SRGAP1: variants seen among roughly 807,000 people sequenced by gnomAD.
SRGAP1 encodes SLIT-ROBO Rho GTPase-activating protein 1.
A neutral mutation model predicts 121.9 loss-of-function variants in SRGAP1; 43 were observed. The observed-to-expected ratio is 0.35, with a 90% confidence interval of 0.28 to 0.46. The LOEUF is 0.46. SRGAP1 is among the 20% of genes least tolerant of loss of function. The pLI, the probability that SRGAP1 is intolerant of heterozygous loss-of-function variation, is 1.00. For synonymous variants in SRGAP1, 447 were observed against 485.4 expected (o/e 0.92, Z 1.04); for missense variants, 1,102 against 1,350.9 (o/e 0.82, Z 2.89).
chr12:63,916,409 T>C (rs2030781513), intron 1 of SRGAP1, among the ~76,000 whole-genome samples: 1 of 152,176 alleles, frequency 6.6e-6, no homozygotes. Context: ...GATGAGAAAC[T>C]GTGTGCCATC....
At chr12:63,918,623 C>T (rs2030898347) in intron 1 of SRGAP1, among the ~76,000 whole-genome samples, 1 of 152,080 alleles carries the variant, frequency 6.6e-6, no homozygotes, top group Non-Finnish European at 1.5e-5. Flanking sequence ...TACCATGTTG[C>T]CCCAGCTGGT....
At chr12:64,123,216 C>T (rs537583090) in intron 18 of SRGAP1, among the ~76,000 whole-genome samples, 1 of 152,212 alleles carries the variant, frequency 6.6e-6, no homozygotes, top group South Asian at 2.1e-4. Flanking sequence ...AATTAGCATG[C>T]CACGTCTGTA....
chr12:63,952,288 G>A (rs1221323752), intron 1 of SRGAP1, among the ~76,000 whole-genome samples: 1 of 152,218 alleles, frequency 6.6e-6, no homozygotes, highest in Non-Finnish European at 1.5e-5. Context: ...AAGGCAGGAG[G>A]ATTGCTTGAA....
intron 6 of SRGAP1, among the ~76,000 whole-genome samples, chr12:64,044,147 G>A (rs2035078843): frequency 6.6e-6 from 1 of 152,114 alleles, no homozygotes; most frequent in Non-Finnish European, 1.5e-5. Context: ...GCAGTAATTA[G>A]GTTTATTTAG....
intron 3 of SRGAP1, among the ~76,000 whole-genome samples, chr12:63,995,441 G>A (rs1404206715): frequency 6.6e-6 from 1 of 152,160 alleles, no homozygotes; most frequent in Non-Finnish European, 1.5e-5. Context: ...ATGTATTCTT[G>A]TCTTTGCCCG....
rs538950932 is a variant in SRGAP1 at position 64,088,730 on chromosome 12, A to C, written c.1436+1704A>C. 1.2e-3 allele frequency among the ~76,000 whole-genome samples: 185 copies of C among 152,270 alleles called. 1 individual carries two copies. Among genetic ancestry groups the C allele is most frequent in the African/African-American group, 3.9e-3 (163 of 41,548 alleles). On this transcript the variant is annotated intron_variant, in intron 11 of 21. Coordinates refer to ENST00000355086, the MANE Select transcript of SRGAP1 (RefSeq NM_020762.4). Reference sequence around the variant, plus strand: ...TCACAACTTGCATGCGTTCATATTTACCGTACTATAGAATCCTACAGAGGT... The same window carrying C: ...TCACAACTTGCATGCGTTCATATTTCCCGTACTATAGAATCCTACAGAGGT...
chr12:64,137,961 A>AAAAATATATATATAT (rs372355390), intron 21 of SRGAP1, among the ~76,000 whole-genome samples: 1 of 139,680 alleles, frequency 7.2e-6, no homozygotes, highest in African/African-American at 2.7e-5. Context: ...TTAAAAAAAA[A>AAAAATATATATATAT]ATATATATAT....
At chr12:63,870,692 A>G (rs1453171686) in intron 1 of SRGAP1, among the ~76,000 whole-genome samples, 3 of 151,966 alleles carry the variant, frequency 2.0e-5, no homozygotes, top group Admixed American at 2.0e-4. Flanking sequence ...GGCGTGTGCC[A>G]CCATGCCCAA....
chr12:64,119,162 C>T (rs896172005), intron 18 of SRGAP1, among the ~76,000 whole-genome samples: 4 of 152,272 alleles, frequency 2.6e-5, no homozygotes, highest in South Asian at 4.1e-4. Context: ...CATTAATTGT[C>T]CTTTCTCCAC....
intron 1 of SRGAP1, among the ~76,000 whole-genome samples, chr12:63,933,825 G>A (rs1330738938): frequency 2.0e-5 from 3 of 152,130 alleles, no homozygotes; most frequent in Admixed American, 1.3e-4. Flanking sequence ...GTTTAATAAA[G>A]CAATCTTGCA....
intron 1 of SRGAP1, among the ~76,000 whole-genome samples, chr12:63,912,109 T>G (rs2030527185): frequency 6.6e-6 from 1 of 152,118 alleles, no homozygotes; most frequent in Non-Finnish European, 1.5e-5. Context: ...TGTGTCCATT[T>G]CCTTTTATTT....
chr12:64,034,071 T>C (rs1285735177), intron 4 of SRGAP1, among the ~76,000 whole-genome samples: 1 of 152,166 alleles, frequency 6.6e-6, no homozygotes, highest in Non-Finnish European at 1.5e-5. Flanking sequence ...TCTTAACATA[T>C]TCACTGATAT....
At chr12:64,097,150 A>G in intron 14 of SRGAP1, 91 bp from the exon 15 acceptor site, 1 of 1,284,776 alleles carries the variant, frequency 7.8e-7, no homozygotes, top group Non-Finnish European at 1.1e-6. Flanking sequence ...AGATACATGT[A>G]TATATAGCAA....
chr12:63,981,879 A>G (rs2033262166), intron 1 of SRGAP1, among the ~76,000 whole-genome samples: 2 of 152,152 alleles, frequency 1.3e-5, no homozygotes, highest in South Asian at 4.1e-4. Flanking sequence ...CAAGCCTGGC[A>G]CAGTATAGGT....
chr12:63,845,346 A>G (rs1898868660), intron 1 of SRGAP1, among the ~76,000 whole-genome samples: 1 of 152,144 alleles, frequency 6.6e-6, no homozygotes, highest in African/African-American at 2.4e-5. Context: ...TATTTCAGAT[A>G]TTTACACCAC....
intron 9 of SRGAP1, 132 bp from the exon 10 acceptor site, chr12:64,080,154 A>G: frequency 1.6e-6 from 1 of 632,874 alleles, no homozygotes; most frequent in East Asian, 3.0e-5. Context: ...GAGGCAGGAG[A>G]ATCGCTTGAA....
chr12:63,948,830 A>G (rs1036050500), intron 1 of SRGAP1, among the ~76,000 whole-genome samples: 1 of 139,588 alleles, frequency 7.2e-6, no homozygotes, highest in Non-Finnish European at 1.5e-5. Context: ...TTTTCCATAT[A>G]TATATTCCAT....
chr12:63,924,855 T>A (rs2031197853), intron 1 of SRGAP1, among the ~76,000 whole-genome samples: 1 of 152,210 alleles, frequency 6.6e-6, no homozygotes, highest in Non-Finnish European at 1.5e-5. Context: ...GTCTCAGCAG[T>A]GCCTGGCACA....
intron 12 of SRGAP1, among the ~76,000 whole-genome samples, chr12:64,092,686 C>G (rs987461262): frequency 9.9e-5 from 15 of 151,908 alleles, no homozygotes; most frequent in African/African-American, 3.6e-4. Flanking sequence ...ACCTATTTTC[C>G]CAGCCCCTGG....
Sources: allele counts gnomAD v4.1 joint callset (sites outside exome capture counted in the v4.1 genomes callset), GRCh38; gene constraint gnomAD v4.1.1; transcripts MANE v1.5; gene names NCBI Gene and HGNC (gene_info 2026-07-23, HGNC 2026-07-21).